CHKA: variants seen among roughly 807,000 people sequenced by gnomAD.
The protein encoded by CHKA is choline kinase alpha.
In CHKA, 34 loss-of-function variants were observed where a neutral mutation model predicts 60.1. That is an observed-to-expected ratio of 0.57 (90% CI 0.43 to 0.75). CHKA has a LOEUF of 0.75. Ranked by LOEUF, CHKA falls within the 30% of genes least tolerant of loss-of-function variation. The pLI is 0.00. For synonymous variants in CHKA, 217 were observed against 223.1 expected, an observed-to-expected ratio of 0.97 and a Z score of 0.24; for missense variants, 563 against 561.3, an observed-to-expected ratio of 1.00 and a Z score of -0.03.
In CHKA at chr11:68,084,304, G is replaced by GTA. The variant is rs1287357571; in HGVS notation, c.463-2849_463-2848dup. Reference sequence around the variant, plus strand: ...TATACACATATATATACGTATATGTGTATATACATGTGTATATATATACAC... The same window carrying GTA: ...TATACACATATATATACGTATATGTGTATATATACATGTGTATATATATACAC... On this transcript the variant is annotated intron_variant, in intron 2 of 11. Coordinates refer to ENST00000265689, the MANE Select transcript of CHKA (RefSeq NM_001277.3). Among the ~76,000 whole-genome samples the GTA allele has an allele frequency of 1.6e-4, 22 of 139,752 alleles. 1 individual carries two copies. The highest frequency in any genetic ancestry group is 9.1e-4 in the South Asian group (4 of 4,406). The allele number at this position is 139,752 out of a possible 152,430, so 91.7% of individuals were successfully genotyped here.
At chr11:68,069,899 C>T (rs1029867039) in intron 6 of CHKA, among the ~76,000 whole-genome samples, 1 of 152,242 alleles carries the variant, frequency 6.6e-6, no homozygotes, top group East Asian at 1.9e-4. Flanking sequence ...GAAAATCCAC[C>T]CCACCAGACA....
intron 10 of CHKA, among the ~76,000 whole-genome samples, chr11:68,062,560 C>T (rs1156462943): frequency 6.6e-6 from 1 of 152,210 alleles, no homozygotes; most frequent in African/African-American, 2.4e-5. Flanking sequence ...TGAGCCACGT[C>T]ACCATCTCTA....
At chr11:68,078,337 C>A (rs1466744266) in intron 3 of CHKA, among the ~76,000 whole-genome samples, 1 of 152,118 alleles carries the variant, frequency 6.6e-6, no homozygotes, top group Non-Finnish European at 1.5e-5. Context: ...AAAGAGGGGC[C>A]AGGGCAGAAG....
At chr11:68,055,546 C>T (rs1338672194) in intron 11 of CHKA, among the ~76,000 whole-genome samples, 1 of 152,238 alleles carries the variant, frequency 6.6e-6, no homozygotes, top group African/African-American at 2.4e-5. Context: ...TTCCCAGCAG[C>T]AGCGCATGCG....
intron 1 of CHKA, among the ~76,000 whole-genome samples, chr11:68,106,346 C>T (rs1857915463): frequency 6.6e-6 from 1 of 152,122 alleles, no homozygotes; most frequent in African/African-American, 2.4e-5. Context: ...AGCCCAAGAG[C>T]TGGAGACCAG....
chr11:68,112,238 T>C (rs767042754), intron 1 of CHKA, among the ~76,000 whole-genome samples: 4 of 151,956 alleles, frequency 2.6e-5, no homozygotes, highest in Non-Finnish European at 5.9e-5. Flanking sequence ...ACCTTAGGTA[T>C]GGTGATTGCT....
chr11:68,112,053 C>CA (rs754639082), intron 1 of CHKA, among the ~76,000 whole-genome samples: 558 of 20,848 alleles, frequency 0.027, 125 homozygotes, highest in African/African-American at 0.08. Context: ...AACTCCGTCT[C>CA]AAAAAAAAAA....
At chr11:68,099,578 A>C (rs1432616857) in intron 1 of CHKA, among the ~76,000 whole-genome samples, 1 of 152,220 alleles carries the variant, frequency 6.6e-6, no homozygotes, top group East Asian at 1.9e-4. Flanking sequence ...GCAAGCTGTG[A>C]AGCAGGCCGA....
At chr11:68,093,140 T>A (rs1488351384) in intron 2 of CHKA, among the ~76,000 whole-genome samples, 2 of 151,998 alleles carry the variant, frequency 1.3e-5, no homozygotes, top group African/African-American at 4.8e-5. Context: ...CCAAAGTTGC[T>A]GGGACCACAG....
intron 11 of CHKA, among the ~76,000 whole-genome samples, chr11:68,058,015 G>A (rs543208613): frequency 2.6e-4 from 39 of 152,084 alleles, no homozygotes; most frequent in African/African-American, 6.0e-4. Flanking sequence ...TCAGCCTCCC[G>A]CGCAGCTGGG....
intron 1 of CHKA, among the ~76,000 whole-genome samples, chr11:68,105,603 T>C (rs547536829): frequency 6.6e-6 from 1 of 151,964 alleles, no homozygotes; most frequent in Admixed American, 6.6e-5. Context: ...TTTAATTATT[T>C]GGGTTTTTTC....
intron 1 of CHKA, among the ~76,000 whole-genome samples, chr11:68,116,250 G>C (rs1261792796): frequency 6.6e-6 from 1 of 152,134 alleles, no homozygotes; most frequent in Admixed American, 6.6e-5. Context: ...TTTCACAACT[G>C]CTGTGACCTT....
In CHKA at chr11:68,087,025, A is replaced by G. The variant is rs182249210; in HGVS notation, c.463-5568T>C. ...TCATTTAAAACATCTTTAACACCCA[A>G]AACATTTATCTTCAAAGTATCTTTA... On this transcript the variant is annotated intron_variant, in intron 2 of 11. Coordinates refer to ENST00000265689, the MANE Select transcript of CHKA (RefSeq NM_001277.3). Among the ~76,000 whole-genome samples, 591 of 152,314 alleles carry G rather than the reference A, an allele frequency of 3.9e-3. 4 individuals carry two copies. Among genetic ancestry groups the G allele is most frequent in the African/African-American group, 0.014 (563 of 41,570 alleles).
intron 4 of CHKA, among the ~76,000 whole-genome samples, chr11:68,074,006 T>C (rs537431006): frequency 6.6e-6 from 1 of 152,126 alleles, no homozygotes; most frequent in Admixed American, 6.6e-5. Flanking sequence ...ACTTCAACAC[T>C]TAGGGTTCAT....
intron 2 of CHKA, among the ~76,000 whole-genome samples, chr11:68,091,213 C>G (rs563469194): frequency 8.5e-4 from 129 of 152,318 alleles, no homozygotes; most frequent in African/African-American, 2.6e-3. Flanking sequence ...CTTCTCAAAA[C>G]TTCTATTAAA....
At chr11:68,099,772 G>T (rs922610909) in intron 1 of CHKA, among the ~76,000 whole-genome samples, 2 of 152,166 alleles carry the variant, frequency 1.3e-5, no homozygotes. Context: ...TTTTCTTCCG[G>T]TCACATACTC....
chr11:68,091,710 G>A (rs1857354854), intron 2 of CHKA, among the ~76,000 whole-genome samples: 1 of 152,030 alleles, frequency 6.6e-6, no homozygotes, highest in African/African-American at 2.4e-5. Context: ...GTGTCACTAT[G>A]GAAATAAAGG....
At chr11:68,078,780 CAA>C (rs1217659915) in intron 3 of CHKA, among the ~76,000 whole-genome samples, 1 of 152,074 alleles carries the variant, frequency 6.6e-6, no homozygotes, top group Non-Finnish European at 1.5e-5. Flanking sequence ...TTACAAATAA[CAA>C]AAGAATTGTT....
Position 68,070,841 on chromosome 11 carries a change from G to A in CHKA, c.647C>T (p.Thr216Ile). 6.2e-7 allele frequency: 1 copy of A among 1,610,830 alleles called. No homozygotes were observed. The highest frequency in any genetic ancestry group is 1.7e-5 in the Admixed American group (1 of 59,926). ...EQFIPSRRLDTEELSLPDISA... is the reference protein window; with the variant it reads ...EQFIPSRRLDIEELSLPDISA... Reference sequence around the variant, plus strand: ...AATATCTGGCAAACTTAATTCTTCAGTATCTAATCGCCGGCTCTGAAAAAG... The same window carrying A: ...AATATCTGGCAAACTTAATTCTTCAATATCTAATCGCCGGCTCTGAAAAAG... The change falls in exon 5 of 12, where the codon ACT (threonine) becomes ATT (isoleucine). Residue 216 changes from threonine to isoleucine, a missense_variant. Physicochemically the swap from Thr to Ile is moderately conservative, Grantham distance 89. Transcript: ENST00000265689.
Sources: allele counts gnomAD v4.1 joint callset (sites outside exome capture counted in the v4.1 genomes callset), GRCh38; gene constraint gnomAD v4.1.1; transcripts MANE v1.5; gene names NCBI Gene and HGNC (gene_info 2026-07-23, HGNC 2026-07-21).